The following SLC22A24 variants were observed in gnomAD, a reference collection of about 807,000 sequenced individuals.
SLC22A24 encodes the protein solute carrier family 22 member 24, also known as steroid transmembrane transporter SLC22A24.
Under a neutral mutation model 49.8 loss-of-function variants are expected in SLC22A24, and 53 were observed. The observed-to-expected ratio is 1.06, with a 90% CI of 0.85 to 1.34. The LOEUF (loss-of-function observed/expected upper bound fraction) is 1.34, where lower values mean the gene tolerates loss of function less well. Among genes scored for constraint, SLC22A24 ranks in the 40% most tolerant of loss-of-function variants. The probability of loss-of-function intolerance (pLI) is 0.00; values close to 1 mark genes in which losing one functional copy is unlikely to be tolerated. For synonymous variants in SLC22A24, 302 were observed against 256.4 expected (o/e 1.18, Z -1.70); for missense variants, 786 against 675.9 (o/e 1.16, Z -1.81).
chr11:63,124,439 T>C (rs1339793843), intron 2 of SLC22A24, among the ~76,000 whole-genome samples: 1 of 152,180 alleles, frequency 6.6e-6, no homozygotes, highest in Non-Finnish European at 1.5e-5. Context: ...GTGAGCAACA[T>C]ATTCTTAAAG....
chr11:63,137,206 C>T (rs1024429832), intron 1 of SLC22A24, among the ~76,000 whole-genome samples: 2 of 152,050 alleles, frequency 1.3e-5, no homozygotes, highest in South Asian at 2.1e-4. Flanking sequence ...GGAGGCTTCT[C>T]CTTAATCAGG....
chr11:63,139,040 G>A (rs973055065), intron 1 of SLC22A24, among the ~76,000 whole-genome samples: 1 of 152,110 alleles, frequency 6.6e-6, no homozygotes, highest in East Asian at 1.9e-4. Flanking sequence ...AAAGAGCACT[G>A]TGGTTAAAAG....
At chr11:63,096,875 T>C (rs989882575) in intron 5 of SLC22A24, among the ~76,000 whole-genome samples, 1 of 152,172 alleles carries the variant, frequency 6.6e-6, no homozygotes, top group African/African-American at 2.4e-5. Flanking sequence ...TTATCTCAGG[T>C]GCTTAGTTTT....
At chr11:63,086,706 A>T (rs1590727867) in intron 6 of SLC22A24, among the ~76,000 whole-genome samples, 2 of 152,342 alleles carry the variant, frequency 1.3e-5, no homozygotes, top group East Asian at 3.9e-4. Context: ...ATTGGGTCAA[A>T]GAGGATCCAA....
At chr11:63,093,703 G>T (rs2087034861) in intron 6 of SLC22A24, among the ~76,000 whole-genome samples, 1 of 152,148 alleles carries the variant, frequency 6.6e-6, no homozygotes, top group Admixed American at 6.6e-5. Flanking sequence ...ATTGGGGAAG[G>T]TGGGAGGAGG....
At chr11:63,092,565 C>T (rs11231349) in intron 6 of SLC22A24, among the ~76,000 whole-genome samples, 4,336 of 40,116 alleles carry the variant, frequency 0.11, 321 homozygotes, top group East Asian at 0.25. Flanking sequence ...TGATCTTTGA[C>T]GAACCTGACA....
chr11:63,137,029 T>C (rs2087380127), intron 1 of SLC22A24, among the ~76,000 whole-genome samples: 1 of 152,156 alleles, frequency 6.6e-6, no homozygotes, highest in African/African-American at 2.4e-5. Flanking sequence ...CTTCTCTCGA[T>C]GGATTCTGTA....
At chr11:63,120,541 G>C (rs1443675563) in intron 2 of SLC22A24, among the ~76,000 whole-genome samples, 1 of 152,112 alleles carries the variant, frequency 6.6e-6, no homozygotes, top group East Asian at 1.9e-4. Context: ...ACAGAGGAGA[G>C]GATGAGGTAA....
chr11:63,140,715 G>A (rs1215989433), intron 1 of SLC22A24, among the ~76,000 whole-genome samples: 1 of 152,172 alleles, frequency 6.6e-6, no homozygotes, highest in Non-Finnish European at 1.5e-5. Context: ...GTTAACATTG[G>A]AATATGAAAT....
intron 1 of SLC22A24, among the ~76,000 whole-genome samples, chr11:63,140,895 C>G (rs377394465): frequency 3.0e-4 from 45 of 152,190 alleles, no homozygotes; most frequent in South Asian, 1.2e-3. Flanking sequence ...TAAGACAAAA[C>G]TGAAAGTTTA....
intron 4 of SLC22A24, among the ~76,000 whole-genome samples, chr11:63,105,623 G>A (rs1156890559): frequency 3.3e-5 from 5 of 152,124 alleles, no homozygotes; most frequent in Non-Finnish European, 5.9e-5. Context: ...CTAGGACTCA[G>A]GACACCTGCC....
chr11:63,129,425 G>T (rs943159242), intron 2 of SLC22A24, among the ~76,000 whole-genome samples: 8 of 152,126 alleles, frequency 5.3e-5, no homozygotes, highest in Admixed American at 2.0e-4. Flanking sequence ...CTCCAGCTTT[G>T]ATCTTTTTGC....
intron 2 of SLC22A24, among the ~76,000 whole-genome samples, chr11:63,125,665 A>G (rs1403075977): frequency 2.6e-5 from 4 of 152,196 alleles, no homozygotes; most frequent in Non-Finnish European, 5.9e-5. Context: ...TCCTTTGGGT[A>G]TATACCCAGT....
chr11:63,117,758 A>G (rs2087221853), intron 4 of SLC22A24, among the ~76,000 whole-genome samples: 1 of 152,196 alleles, frequency 6.6e-6, no homozygotes, highest in Non-Finnish European at 1.5e-5. Context: ...CATATAACAC[A>G]CAGAATATGT....
chr11:63,114,333 C>T (rs4375443), intron 4 of SLC22A24, among the ~76,000 whole-genome samples: 1 of 152,076 alleles, frequency 6.6e-6, no homozygotes, highest in Non-Finnish European at 1.5e-5. Context: ...ATCACTGATA[C>T]CCTTTCTTCC....
intron 4 of SLC22A24, among the ~76,000 whole-genome samples, chr11:63,114,219 G>T (rs2134662542): frequency 6.6e-6 from 1 of 152,258 alleles, no homozygotes; most frequent in East Asian, 1.9e-4. Flanking sequence ...CATAGATTTT[G>T]TCTTTTCACA....
intron 6 of SLC22A24, among the ~76,000 whole-genome samples, chr11:63,087,948 G>C (rs542617717): frequency 1.3e-4 from 20 of 152,334 alleles, no homozygotes; most frequent in African/African-American, 4.3e-4. Flanking sequence ...CCCTGGAAGA[G>C]AACACCTGGG....
In SLC22A24 at chr11:63,083,230, C is replaced by T; in HGVS notation, c.1285+13G>A. On this transcript the variant is annotated intron_variant, in intron 7 of 9. Transcript: ENST00000612278. ...GTAACTACTTTCTTTCCTGAAACTC[C>T]TGTCTCTCTCACCTTGGGGCAAAAA... The T allele has an allele frequency of 6.5e-7, 1 of 1,548,780 alleles. No individual in the cohort carries two copies. The highest frequency in any genetic ancestry group is 1.2e-5 in the South Asian group (1 of 83,992).
At chr11:63,120,809 A>T (rs977801187) in intron 2 of SLC22A24, among the ~76,000 whole-genome samples, 1 of 152,186 alleles carries the variant, frequency 6.6e-6, no homozygotes, top group African/African-American at 2.4e-5. Context: ...CTGAATGTTT[A>T]TATAGAATAT....
Sources: allele counts gnomAD v4.1 joint callset (sites outside exome capture counted in the v4.1 genomes callset), GRCh38; gene constraint gnomAD v4.1.1; transcripts MANE v1.5; gene names NCBI Gene and HGNC (gene_info 2026-07-23, HGNC 2026-07-21).